FAM107B: variants seen among roughly 807,000 people sequenced by gnomAD.
FAM107B encodes family with sequence similarity 107 member B, also known as protein FAM107B.
In FAM107B, 21 loss-of-function variants were observed where a neutral mutation model predicts 31.5. That is an observed-to-expected ratio of 0.67 (90% CI 0.47 to 0.96). FAM107B has a LOEUF of 0.96. FAM107B is among the 40% of genes least tolerant of loss of function. FAM107B has a pLI of 0.00. For synonymous variants in FAM107B, 157 were observed against 141.5 expected (o/e 1.11, Z -0.78); for missense variants, 452 against 377.1 (o/e 1.20, Z -1.64).
At chr10:14,719,453 C>A (rs1053640746) in intron 1 of FAM107B, among the ~76,000 whole-genome samples, 28 of 152,196 alleles carry the variant, frequency 1.8e-4, no homozygotes, top group African/African-American at 6.0e-4. Flanking sequence ...CATTCATGTT[C>A]TTTCAACGAA....
In FAM107B at chr10:14,543,548, C is replaced by T. The variant is rs567212782; in HGVS notation, c.470-13033G>A. On this transcript the variant is annotated intron_variant, in intron 2 of 4. Transcript: ENST00000181796. Reference sequence around the variant, plus strand: ...GGCCAAACGAGAGACCACAGGCCACCCTCGCTCTCAGCTGCACTGTGTCCT... The same window carrying T: ...GGCCAAACGAGAGACCACAGGCCACTCTCGCTCTCAGCTGCACTGTGTCCT... Among the ~76,000 whole-genome samples the T allele has an allele frequency of 2.6e-5, 4 of 152,136 alleles. No individual in the cohort carries two copies. In the East Asian group the frequency reaches 7.7e-4, roughly 29 times the overall value.
At chr10:14,551,499 T>C (rs889691484) in intron 2 of FAM107B, among the ~76,000 whole-genome samples, 1 of 152,152 alleles carries the variant, frequency 6.6e-6, no homozygotes, top group African/African-American at 2.4e-5. Context: ...TGAGTATACT[T>C]TATTCAAGAT....
intron 1 of FAM107B, among the ~76,000 whole-genome samples, chr10:14,762,911 C>T (rs1833085726): frequency 6.6e-6 from 1 of 152,146 alleles, no homozygotes; most frequent in Admixed American, 6.5e-5. Flanking sequence ...GATGGCTTTG[C>T]CATTCGAGTA....
At chr10:14,701,530 C>A (rs1347527846) in intron 1 of FAM107B, among the ~76,000 whole-genome samples, 1 of 152,188 alleles carries the variant, frequency 6.6e-6, no homozygotes, top group South Asian at 2.1e-4. Context: ...TAGGCATGAG[C>A]CACCATGCCT....
At chr10:14,671,803 C>G (rs1854552188) in intron 1 of FAM107B, among the ~76,000 whole-genome samples, 2 of 150,652 alleles carry the variant, frequency 1.3e-5, no homozygotes, top group Non-Finnish European at 2.9e-5. Context: ...GCCCCAAATT[C>G]AGCCACGCCT....
chr10:14,530,504 C>A lies in FAM107B; in HGVS notation c.481G>T (p.Glu161Ter). ...EQKMTSDSPP[E>*]DIDHKDSYLI... ...TATGAGTCCTTATGGTCAATATCCTCAGGTGGGCTGTCTGAAAGAGAAAGA... is the reference window on the plus strand; with the variant it reads ...TATGAGTCCTTATGGTCAATATCCTAAGGTGGGCTGTCTGAAAGAGAAAGA... Residue 161 changes from glutamate to a stop codon, truncating the protein, a stop_gained, in exon 3 of 5, where the codon GAG becomes TAG. Transcript: ENST00000181796. LOFTEE classifies it high-confidence loss of function. The A allele has an allele frequency of 6.2e-7, 1 of 1,612,104 alleles. No individual in the cohort carries two copies. The highest frequency in any genetic ancestry group is 8.5e-7 in the Non-Finnish European group (1 of 1,179,658).
intron 2 of FAM107B, among the ~76,000 whole-genome samples, chr10:14,643,726 C>T (rs1306878764): frequency 6.6e-6 from 1 of 152,118 alleles, no homozygotes; most frequent in Non-Finnish European, 1.5e-5. Context: ...CTGTTTTATG[C>T]AGCAAACTAA....
At chr10:14,583,241 T>A (rs1156546196) in intron 2 of FAM107B, among the ~76,000 whole-genome samples, 1 of 152,182 alleles carries the variant, frequency 6.6e-6, no homozygotes, top group Non-Finnish European at 1.5e-5. Context: ...AAATTCTTCA[T>A]CTGGCAGAAG....
At chr10:14,702,335 T>A (rs1487867464) in intron 1 of FAM107B, among the ~76,000 whole-genome samples, 4 of 152,238 alleles carry the variant, frequency 2.6e-5, no homozygotes, top group Admixed American at 2.6e-4. Flanking sequence ...TCAATATTCA[T>A]GTATCATTAT....
intron 1 of FAM107B, among the ~76,000 whole-genome samples, chr10:14,764,159 C>T (rs1289955170): frequency 6.6e-6 from 1 of 152,218 alleles, no homozygotes; most frequent in East Asian, 1.9e-4. Context: ...CACGATCATG[C>T]ATTGTTTTAT....
chr10:14,537,812 C>T (rs536581702), intron 2 of FAM107B, among the ~76,000 whole-genome samples: 8 of 135,798 alleles, frequency 5.9e-5, no homozygotes, highest in Non-Finnish European at 7.6e-5. Flanking sequence ...TCCAGCCTGG[C>T]GACAGAGTGA....
Position 14,522,138 on chromosome 10 carries a change from C to A in FAM107B, c.654-119G>T, listed in dbSNP as rs188805715. 9.7e-5 allele frequency: 127 copies of A among 1,305,444 alleles called. 1 individual carries two copies. The African/African-American group carries it at 1.7e-3, about 18-fold the overall frequency. The allele number at this position is 1,305,444 out of a possible 1,614,324, so 80.9% of individuals were successfully genotyped here. ...AGTGGTCTACAAAATTAGTATGATACCTACTAGGCTACAGCAGGCAACATG... is the reference window on the plus strand; with the variant it reads ...AGTGGTCTACAAAATTAGTATGATAACTACTAGGCTACAGCAGGCAACATG... On this transcript the variant is annotated intron_variant, in intron 3 of 4. Transcript: ENST00000181796.
chr10:14,734,081 G>A (rs921289928), intron 1 of FAM107B, among the ~76,000 whole-genome samples: 13 of 151,400 alleles, frequency 8.6e-5, no homozygotes, highest in African/African-American at 3.2e-4. Flanking sequence ...TTGCACATTT[G>A]GACTTCCTTT....
At position 14,559,118 on chromosome 10, in the gene FAM107B, C is replaced by CA. The variant is rs59285556; in HGVS notation, c.470-28604dup. ...GAACTTCAAAAAAAAAAAAAAAAAA[C>CA]AAAAAAAAAACACCTGGTGTCTAGC... On this transcript the variant is annotated intron_variant, in intron 2 of 4. Transcript: ENST00000181796. Among the ~76,000 whole-genome samples the CA allele has an allele frequency of 1.7e-3, 195 of 112,296 alleles. 1 individual carries two copies. Among genetic ancestry groups the CA allele is most frequent in the Non-Finnish European group, 3.2e-3 (168 of 52,642 alleles). 73.7% of individuals were successfully genotyped at this position (112,296 alleles called of 152,430 possible).
chr10:14,550,142 A>G (rs913684074), intron 2 of FAM107B, among the ~76,000 whole-genome samples: 11 of 152,238 alleles, frequency 7.2e-5, no homozygotes, highest in African/African-American at 2.7e-4. Context: ...TCCAGATCCT[A>G]TAGAAGTGAA....
At chr10:14,654,288 G>A (rs1853982152) in intron 2 of FAM107B, among the ~76,000 whole-genome samples, 1 of 152,140 alleles carries the variant, frequency 6.6e-6, no homozygotes, top group African/African-American at 2.4e-5. Flanking sequence ...TGCTCTGGTT[G>A]TAACATCAGT....
At chr10:14,697,386 A>C (rs1416477747) in intron 1 of FAM107B, among the ~76,000 whole-genome samples, 5 of 152,218 alleles carry the variant, frequency 3.3e-5, no homozygotes, top group Admixed American at 3.3e-4. Flanking sequence ...CAGAGCAAGT[A>C]CCACGTGTTT....
At chr10:14,674,732 T>C (rs980976755) in intron 1 of FAM107B, among the ~76,000 whole-genome samples, 2 of 150,636 alleles carry the variant, frequency 1.3e-5, no homozygotes, top group Non-Finnish European at 3.0e-5. Context: ...ACAGAGTTGT[T>C]TGTTTTGTTT....
intron 2 of FAM107B, chr10:14,534,734 A>G (rs900618226): frequency 1.3e-5 from 2 of 152,236 alleles, no homozygotes; most frequent in Admixed American, 6.5e-5. Flanking sequence ...ATTCTATGGG[A>G]TGTTCTTTGT....
Sources: gnomAD v4.1 joint callset for allele counts (sites outside exome capture counted in the v4.1 genomes callset) on GRCh38, gnomAD v4.1.1 for gene constraint, MANE v1.5 for transcripts, NCBI Gene and HGNC (gene_info 2026-07-23, HGNC 2026-07-21) for gene names.